The following FLOT2 variants were observed in gnomAD, a reference collection of about 807,000 sequenced individuals.
The protein encoded by FLOT2 is flotillin 2.
In FLOT2, 35 loss-of-function variants were observed where a neutral mutation model predicts 54.9. The ratio of observed to expected loss-of-function variants is 0.64; its 90% CI spans 0.49 to 0.84. The LOEUF is 0.84. Among genes scored for constraint, FLOT2 ranks in the 40% least tolerant of loss-of-function variants. FLOT2 has a pLI of 0.00. For synonymous variants in FLOT2, 207 were observed against 228.9 expected (o/e 0.90, Z 0.86); for missense variants, 464 against 572.1 (o/e 0.81, Z 1.93).
In FLOT2 at chr17:28,881,342, A is replaced by G. The variant is rs1305562371; in HGVS notation, c.948T>C (p.Ala316=). Residue 316 remains alanine, a synonymous_variant, in exon 9 of 11, where the codon GCT becomes GCC. Coordinates refer to ENST00000394908, the MANE Select transcript of FLOT2 (RefSeq NM_004475.3). ...VKQVLLAQAE[A]EKIRKIGEAE... Reference sequence around the variant, plus strand: ...CCTCCCCGATTTTGCGGATCTTCTCAGCCTCTGCCTGTGCCAAGAGGACCT... The same window carrying G: ...CCTCCCCGATTTTGCGGATCTTCTCGGCCTCTGCCTGTGCCAAGAGGACCT... The G allele has an allele frequency of 8.7e-6, 14 of 1,613,210 alleles. No individual in the cohort carries two copies. The highest frequency in any genetic ancestry group is 1.2e-5 in the Non-Finnish European group (14 of 1,180,016).
chr17:28,894,795 TAA>T (rs746735489), intron 1 of FLOT2, among the ~76,000 whole-genome samples: 17 of 132,350 alleles, frequency 1.3e-4, no homozygotes, highest in Non-Finnish European at 1.6e-4. Flanking sequence ...AGACTGTATT[TAA>T]AAAAAAAAAA....
chr17:28,882,912 C>A lies in FLOT2; in HGVS notation c.346+196G>T. The A allele has an allele frequency of 1.5e-6, 1 of 651,120 alleles. No individual in the cohort carries two copies. 40.3% of individuals were successfully genotyped at this position (651,120 alleles called of 1,614,324 possible). On this transcript the variant is annotated intron_variant, in intron 4 of 10. Transcript: ENST00000394908. This position sits in a 1 kb window ranked among gnomAD's most constrained non-coding sequence, Gnocchi z 5.6. ...AGCAGCACTAGGTTCCTGAGCAGAC[C>A]GACAGCCCCCATCCCACCCCTTCAC...
rs2039493027 is a variant in FLOT2 at position 28,883,573 on chromosome 17, CAG to C, written c.223-344_223-343del. Among the ~76,000 whole-genome samples the C allele has an allele frequency of 1.3e-5, 2 of 152,032 alleles. No homozygotes were observed. The highest frequency in any genetic ancestry group is 4.8e-5 in the African/African-American group (2 of 41,388). ...CGTGGGAGACCCTCAGGCTGAGGGGCAGAGAGTATGAGAAGCAGAATGAGCAA... is the reference window on the plus strand; with the variant it reads ...CGTGGGAGACCCTCAGGCTGAGGGGCAGAGTATGAGAAGCAGAATGAGCAA... On this transcript the variant is annotated intron_variant, in intron 3 of 10. Transcript: ENST00000394908. This position sits in a 1 kb window ranked among gnomAD's most constrained non-coding sequence, Gnocchi z 5.0.
intron 2 of FLOT2, among the ~76,000 whole-genome samples, chr17:28,887,865 A>G (rs2039576420): frequency 6.6e-6 from 1 of 152,194 alleles, no homozygotes; most frequent in Non-Finnish European, 1.5e-5. Context: ...CTGGTCGGGT[A>G]AAGTGAGGGG....
At chr17:28,891,893 G>A (rs556472314) in intron 1 of FLOT2, among the ~76,000 whole-genome samples, 7 of 152,316 alleles carry the variant, frequency 4.6e-5, no homozygotes, top group African/African-American at 1.7e-4. Context: ...TGGAGAGCTG[G>A]CATCTAATAC....
In FLOT2 at chr17:28,884,375, G is replaced by A; in HGVS notation, c.132-60C>T. On this transcript the variant is annotated intron_variant, in intron 2 of 10. Transcript: ENST00000394908. This position sits in a 1 kb window ranked among gnomAD's most constrained non-coding sequence, Gnocchi z 5.1. The stretch of plus-strand genomic sequence containing the variant: ...GGGGCGCAGGGCCTGGTGGTGTTGG[G>A]AAAGAGGCCAGTACCTCACTGCTCC... 1.8e-6 allele frequency: 2 copies of A among 1,106,978 alleles called. No individual in the cohort carries two copies. Among genetic ancestry groups the A allele is most frequent in the Non-Finnish European group, 2.7e-6 (2 of 742,298 alleles). 68.6% of individuals were successfully genotyped at this position (1,106,978 alleles called of 1,614,324 possible).
chr17:28,881,294 C>A lies in FLOT2; in HGVS notation c.996G>T (p.Ala332=). 1.2e-6 allele frequency: 2 copies of A among 1,614,096 alleles called. No homozygotes were observed. The highest frequency in any genetic ancestry group is 1.7e-6 in the Non-Finnish European group (2 of 1,180,004). Residue 332 remains alanine (A), a synonymous_variant, in exon 9 of 11, where the codon GCG becomes GCT. Coordinates refer to ENST00000394908, the MANE Select transcript of FLOT2 (RefSeq NM_004475.3). ...IGEAEAAVIE[A]MGKAEAERMK... is the part of the protein sequence containing the mutation. Reference sequence around the variant, plus strand: ...TCCGCTCAGCCTCTGCCTTGCCCATCGCCTCGATGACTGCCGCTTCCGCCT... The same window carrying A: ...TCCGCTCAGCCTCTGCCTTGCCCATAGCCTCGATGACTGCCGCTTCCGCCT...
At chr17:28,893,978 T>C (rs1469081946) in intron 1 of FLOT2, among the ~76,000 whole-genome samples, 2 of 152,220 alleles carry the variant, frequency 1.3e-5, no homozygotes, top group African/African-American at 4.8e-5. Flanking sequence ...TTTAAGGCAG[T>C]AGCTTGCCGA....
chr17:28,880,426 C>T lies in FLOT2; in HGVS notation c.*135G>A. The T allele has an allele frequency of 6.6e-7, 1 of 1,511,982 alleles. No individual in the cohort carries two copies. Among genetic ancestry groups the T allele is most frequent in the Non-Finnish European group, 8.8e-7 (1 of 1,131,040 alleles). The allele number at this position is 1,511,982 out of a possible 1,614,324, so 93.7% of individuals were successfully genotyped here. On this transcript the variant is annotated 3_prime_UTR_variant, in exon 11 of 11. Transcript: ENST00000394908. ...GAGACAGGAAGACAGCCAGAGATGGCCTGAACACGCAGCACTTCTGGTCCC... is the reference window on the plus strand; with the variant it reads ...GAGACAGGAAGACAGCCAGAGATGGTCTGAACACGCAGCACTTCTGGTCCC...
chr17:28,896,222 C>T (rs1016582492), intron 1 of FLOT2, among the ~76,000 whole-genome samples: 2 of 152,224 alleles, frequency 1.3e-5, no homozygotes, highest in African/African-American at 2.4e-5. Context: ...CTCTGGGGCT[C>T]TTCTTGCCCC....
rs1246179444 is a variant in FLOT2 at position 28,889,139 on chromosome 17, C to T, written c.50-113G>A. Reference sequence around the variant, plus strand: ...CTGCTCTGATACTTGACAACGCCTACTGTTGGGTGCCTAGTGCTGAGGTTA... The same window carrying T: ...CTGCTCTGATACTTGACAACGCCTATTGTTGGGTGCCTAGTGCTGAGGTTA... On this transcript the variant is annotated intron_variant, in intron 1 of 10. Transcript: ENST00000394908. The T allele has an allele frequency of 6.3e-6, 5 of 791,706 alleles. No individual in the cohort carries two copies. In the East Asian group the frequency reaches 1.1e-4, roughly 17 times the overall value. The allele number at this position is 791,706 out of a possible 1,614,324, so 49.0% of individuals were successfully genotyped here.
In FLOT2 at chr17:28,890,862, C is replaced by CTT. The variant is rs869029497; in HGVS notation, c.50-1838_50-1837dup. Among the ~76,000 whole-genome samples, 294 of 74,944 alleles carry CTT rather than the reference C, an allele frequency of 3.9e-3. 1 individual carries two copies. The highest frequency in any genetic ancestry group is 7.6e-3 in the African/African-American group (232 of 30,502). The allele number at this position is 74,944 out of a possible 152,430, so 49.2% of individuals were successfully genotyped here. On this transcript the variant is annotated intron_variant, in intron 1 of 10. Coordinates refer to ENST00000394908, the MANE Select transcript of FLOT2 (RefSeq NM_004475.3). ...AAACCAGAGAGTGTTATCATTTCTT[C>CTT]TTTTTTTTTTTTTTTTTGAGACAGG...
At chr17:28,893,467 A>G (rs1567937796) in intron 1 of FLOT2, 1 of 145,618 alleles carries the variant, frequency 6.9e-6, no homozygotes, top group Non-Finnish European at 1.5e-5. Context: ...GGCTGAATGC[A>G]GTGGTGTAAT....
chr17:28,896,909 G>T (rs561374682), intron 1 of FLOT2, among the ~76,000 whole-genome samples: 1 of 152,306 alleles, frequency 6.6e-6, no homozygotes, highest in African/African-American at 2.4e-5. Flanking sequence ...GCCCCACCTA[G>T]ATAGAAATTC....
chr17:28,894,155 C>A (rs923339035), intron 1 of FLOT2, among the ~76,000 whole-genome samples: 1 of 152,204 alleles, frequency 6.6e-6, no homozygotes. Context: ...CAAGTGTGAG[C>A]CAGTGTGTCC....
At position 28,897,363 on chromosome 17, in the gene FLOT2, G is replaced by C. The variant is rs547736335; in HGVS notation, c.49+163C>G. 3 of 607,786 alleles carry C rather than the reference G, an allele frequency of 4.9e-6. No individual in the cohort carries two copies. The highest frequency in any genetic ancestry group is 2.0e-5 in the African/African-American group (1 of 51,068). The allele number at this position is 607,786 out of a possible 1,614,324, so 37.6% of individuals were successfully genotyped here. On this transcript the variant is annotated intron_variant, in intron 1 of 10. Coordinates refer to ENST00000394908, the MANE Select transcript of FLOT2 (RefSeq NM_004475.3). This position sits in a 1 kb window ranked among gnomAD's most constrained non-coding sequence, Gnocchi z 4.4. Reference sequence around the variant, plus strand: ...CCCGAGGGTGCGCAGCAAGGAAAGCGTGAGCACGAGATCTCTCTTGGAAGG... The same window carrying C: ...CCCGAGGGTGCGCAGCAAGGAAAGCCTGAGCACGAGATCTCTCTTGGAAGG...
Position 28,897,111 on chromosome 17 carries a change from A to G in FLOT2, c.49+415T>C, listed in dbSNP as rs1198830619. Among the ~76,000 whole-genome samples the G allele has an allele frequency of 6.6e-6, 1 of 152,006 alleles. No individual in the cohort carries two copies. The highest frequency in any genetic ancestry group is 2.4e-5 in the African/African-American group (1 of 41,372). On this transcript the variant is annotated intron_variant, in intron 1 of 10. Transcript: ENST00000394908. The surrounding 1 kb of genome is among the most constrained non-coding windows in gnomAD (Gnocchi z 4.4). ...TTTCAGGGCCCCTCCCCATACAGGC[A>G]CCTGCCCTCCAGGGCTGCGCGACCC... is the stretch of plus-strand genomic sequence containing the variant.
In FLOT2 at chr17:28,882,500, A is replaced by G. The variant is rs1376590354; in HGVS notation, c.466-50T>C. 6.3e-7 allele frequency: 1 copy of G among 1,590,172 alleles called. No homozygotes were observed. The highest frequency in any genetic ancestry group is 1.1e-5 in the South Asian group (1 of 90,604). On this transcript the variant is annotated intron_variant, in intron 5 of 10. Transcript: ENST00000394908. The surrounding 1 kb of genome is among the most constrained non-coding windows in gnomAD (Gnocchi z 5.6). The stretch of plus-strand genomic sequence containing the variant: ...GGCTCAAAGGAGCAGCCAGAGGCAC[A>G]AAGGTGCCCCTCTAACAAAGCCACC...
At chr17:28,891,848 T>C (rs1483369476) in intron 1 of FLOT2, among the ~76,000 whole-genome samples, 1 of 152,076 alleles carries the variant, frequency 6.6e-6, no homozygotes, top group Non-Finnish European at 1.5e-5. Context: ...AAAGAACCGC[T>C]CCACCTCACC....
Sources: gnomAD v4.1 joint callset for allele counts (sites outside exome capture counted in the v4.1 genomes callset) on GRCh38, gnomAD v4.1.1 for gene constraint, Gnocchi (gnomAD v3.1) non-coding constraint, MANE v1.5 for transcripts, NCBI Gene and HGNC (gene_info 2026-07-23, HGNC 2026-07-21) for gene names.